ERC1: variants seen among roughly 807,000 people sequenced by gnomAD.
ERC1 encodes RAB6 interacting protein 2.
ERC1 carries 56 observed loss-of-function variants against 132.0 expected under a neutral mutation model. That is an observed-to-expected ratio of 0.42 (90% CI 0.34 to 0.53). The LOEUF (loss-of-function observed/expected upper bound fraction) is 0.53, where lower values mean the gene tolerates loss of function less well. Among genes scored for constraint, ERC1 ranks in the 20% least tolerant of loss-of-function variants. ERC1 has a pLI of 0.03. For missense variants in ERC1, 1,202 were observed against 1,349.9 expected (o/e 0.89, Z 1.72); for synonymous variants, 478 against 476.1 (o/e 1.00, Z -0.05).
At chr12:1,353,698 T>TA (rs2085254805) in intron 15 of ERC1, among the ~76,000 whole-genome samples, 1 of 152,226 alleles carries the variant, frequency 6.6e-6, no homozygotes, top group Non-Finnish European at 1.5e-5. Flanking sequence ...CTTGTTATGC[T>TA]AAGAGTTTGT....
intron 8 of ERC1, among the ~76,000 whole-genome samples, chr12:1,155,863 T>TAAAA (rs11433362): frequency 6.7e-6 from 1 of 148,980 alleles, no homozygotes; most frequent in African/African-American, 2.5e-5. Context: ...GTGTTCAAGG[T>TAAAA]AAAAAAAAAA....
intron 15 of ERC1, among the ~76,000 whole-genome samples, chr12:1,329,633 T>C (rs2082722730): frequency 6.6e-6 from 1 of 152,212 alleles, no homozygotes; most frequent in Non-Finnish European, 1.5e-5. Context: ...TCCGTAACTT[T>C]GGTTTCCTTT....
chr12:1,429,955 A>G (rs2092743804), intron 17 of ERC1, among the ~76,000 whole-genome samples: 1 of 152,228 alleles, frequency 6.6e-6, no homozygotes, highest in Non-Finnish European at 1.5e-5. Flanking sequence ...TTTTCATCTC[A>G]GTGGTTTCTA....
At chr12:1,292,298 G>A (rs2079510993) in intron 15 of ERC1, among the ~76,000 whole-genome samples, 1 of 152,174 alleles carries the variant, frequency 6.6e-6, no homozygotes, top group South Asian at 2.1e-4. Context: ...AGAGTTTAGA[G>A]CTATTCAATA....
At position 1,110,313 on chromosome 12, in the gene ERC1, T is replaced by A; in HGVS notation, c.1283T>A (p.Val428Glu). 6.2e-7 allele frequency: 1 copy of A among 1,612,880 alleles called. No homozygotes were observed. The highest frequency in any genetic ancestry group is 8.5e-7 in the Non-Finnish European group (1 of 1,179,462). The change falls in exon 5 of 19, where the codon GTG (valine) becomes GAG (glutamate). Residue 428 changes from valine (V) to glutamate (E), a missense_variant. By Grantham distance (121) the Val-to-Glu change is moderately radical. Coordinates refer to ENST00000360905, the MANE Select transcript of ERC1 (RefSeq NM_178040.4). ...GAAGAAGAAATGAAGCAAATGGAAG[T>A]GTATCGGAGCCATTCTAAATTTATG... The part of the protein sequence containing the change: ...EREEEMKQME[V>E]YRSHSKFMKN...
At chr12:1,489,685 C>T (rs772209754) in intron 18 of ERC1, among the ~76,000 whole-genome samples, 7 of 152,276 alleles carry the variant, frequency 4.6e-5, no homozygotes, top group Non-Finnish European at 7.4e-5. Flanking sequence ...AAGCGATACA[C>T]GGCAAATGGA....
At chr12:1,157,865 A>G (rs904433768) in intron 8 of ERC1, among the ~76,000 whole-genome samples, 11 of 152,232 alleles carry the variant, frequency 7.2e-5, no homozygotes, top group African/African-American at 2.7e-4. Flanking sequence ...TGCAGAAGAA[A>G]GATTAGACTT....
At chr12:1,060,240 T>C (rs1050952436) in intron 2 of ERC1, among the ~76,000 whole-genome samples, 2 of 150,730 alleles carry the variant, frequency 1.3e-5, no homozygotes, top group South Asian at 4.2e-4. Flanking sequence ...GTTAGTTACA[T>C]ATGTATACAT....
Position 1,390,499 on chromosome 12 carries a change from T to G in ERC1, c.2926-17650T>G, listed in dbSNP as rs554958083. On this transcript the variant is annotated intron_variant, in intron 16 of 18. Transcript: ENST00000360905. Reference sequence around the variant, plus strand: ...ATTACTGAGTTAATAAAATTAACATTTACTACTATTAATCTAAATGGGAAG... The same window carrying G: ...ATTACTGAGTTAATAAAATTAACATGTACTACTATTAATCTAAATGGGAAG... 3 of 152,292 alleles carry G rather than the reference T, an allele frequency of 2.0e-5. No homozygotes were observed. The South Asian group carries it at 6.2e-4, about 32-fold the overall frequency. 9.4% of individuals were successfully genotyped at this position (152,292 alleles called of 1,614,324 possible).
chr12:1,293,801 A>G (rs768967514), intron 15 of ERC1, among the ~76,000 whole-genome samples: 1 of 152,204 alleles, frequency 6.6e-6, no homozygotes, highest in Non-Finnish European at 1.5e-5. Context: ...GTTACATAAG[A>G]GCATGTTTAC....
intron 1 of ERC1, among the ~76,000 whole-genome samples, chr12:1,009,546 C>A (rs745914992): frequency 5.9e-5 from 9 of 152,122 alleles, no homozygotes; most frequent in Non-Finnish European, 1.0e-4. Context: ...CAATCTTTCT[C>A]CTTGAAAGGG....
chr12:1,303,507 C>T (rs1594876571), intron 15 of ERC1, among the ~76,000 whole-genome samples: 1 of 151,776 alleles, frequency 6.6e-6, no homozygotes, highest in Admixed American at 6.6e-5. Flanking sequence ...GGTGTGGCGG[C>T]GTGCACCTGT....
intron 2 of ERC1, among the ~76,000 whole-genome samples, chr12:1,060,418 C>T (rs1016041593): frequency 1.3e-4 from 20 of 150,432 alleles, no homozygotes; most frequent in African/African-American, 4.4e-4. Context: ...TGAGTGAGAA[C>T]ATGCGGTGTT....
At chr12:1,063,718 G>A (rs950600599) in intron 2 of ERC1, among the ~76,000 whole-genome samples, 3 of 152,054 alleles carry the variant, frequency 2.0e-5, no homozygotes, top group Non-Finnish European at 2.9e-5. Flanking sequence ...TTCTTGATAT[G>A]TGAAGGCTTA....
chr12:1,313,949 A>G (rs978108287), intron 15 of ERC1, among the ~76,000 whole-genome samples: 1 of 152,138 alleles, frequency 6.6e-6, no homozygotes, highest in Non-Finnish European at 1.5e-5. Context: ...ACACCATTGC[A>G]CTTCAGCCTG....
chr12:1,113,541 T>C (rs1946115887), intron 6 of ERC1, among the ~76,000 whole-genome samples: 1 of 152,114 alleles, frequency 6.6e-6, no homozygotes, highest in African/African-American at 2.4e-5. Flanking sequence ...AAGACTGGAA[T>C]AAAAAAATAC....
chr12:1,479,654 A>G (rs2094045693), intron 18 of ERC1, among the ~76,000 whole-genome samples: 1 of 152,160 alleles, frequency 6.6e-6, no homozygotes, highest in Non-Finnish European at 1.5e-5. Flanking sequence ...TCTTTTCAGG[A>G]CGGGCAGGAT....
chr12:1,470,530 T>TA (rs2093840103), intron 18 of ERC1, among the ~76,000 whole-genome samples: 2 of 151,950 alleles, frequency 1.3e-5, no homozygotes, highest in South Asian at 4.2e-4. Context: ...GCGGACTAGC[T>TA]AACCTGGCTG....
chr12:1,365,451 A>G (rs1037654179), intron 15 of ERC1, among the ~76,000 whole-genome samples: 2 of 152,216 alleles, frequency 1.3e-5, no homozygotes, highest in African/African-American at 4.8e-5. Flanking sequence ...AGTTGGTTCA[A>G]GATACATTCA....
Sources: gnomAD v4.1 joint callset for allele counts (sites outside exome capture counted in the v4.1 genomes callset) on GRCh38, gnomAD v4.1.1 for gene constraint, MANE v1.5 for transcripts, NCBI Gene and HGNC (gene_info 2026-07-23, HGNC 2026-07-21) for gene names.